STX12: variants seen among roughly 807,000 people sequenced by gnomAD.
The protein encoded by STX12 is syntaxin 12, also known as syntaxin-12.
Under a neutral mutation model 42.2 loss-of-function variants are expected in STX12, and 17 were observed. The ratio of observed to expected loss-of-function variants is 0.40; its 90% confidence interval spans 0.28 to 0.60. STX12 has a LOEUF of 0.60. Among genes scored for constraint, STX12 ranks in the 20% least tolerant of loss-of-function variants. The pLI, the probability that STX12 is intolerant of heterozygous loss-of-function variation, is 0.39. For synonymous variants in STX12, 108 were observed against 116.7 expected (o/e 0.93, Z 0.48); for missense variants, 297 against 330.9 (o/e 0.90, Z 0.79).
intron 2 of STX12, among the ~76,000 whole-genome samples, chr1:27,792,364 A>C (rs368867129): frequency 7.1e-4 from 102 of 144,238 alleles, no homozygotes; most frequent in South Asian, 1.5e-3. Flanking sequence ...ATATATGTAT[A>C]TATATATCAA....
intron 8 of STX12, among the ~76,000 whole-genome samples, chr1:27,820,790 A>G (rs868562772): frequency 7.2e-5 from 11 of 152,112 alleles, no homozygotes; most frequent in Non-Finnish European, 1.0e-4. Flanking sequence ...TCCAACAGTG[A>G]TAGACTGGAT....
chr1:27,777,818 C>T lies in STX12; in HGVS notation c.118+4393C>T, dbSNP rs536707268. On this transcript the variant is annotated intron_variant, in intron 1 of 8. Coordinates refer to ENST00000373943, the MANE Select transcript of STX12 (RefSeq NM_177424.3). ...AGGAGAATTGCTTGAATCCGGGAGGCGGAGGTTGCGGTGAGCCGAGATTGC... is the reference window on the plus strand; with the variant it reads ...AGGAGAATTGCTTGAATCCGGGAGGTGGAGGTTGCGGTGAGCCGAGATTGC... Among the ~76,000 whole-genome samples the T allele has an allele frequency of 9.2e-5, 14 of 151,916 alleles. 1 individual carries two copies. In the South Asian group the frequency reaches 1.9e-3, roughly 20 times the overall value.
chr1:27,792,259 TACATATATATGTATCTATATATATGTAG>T lies in STX12; in HGVS notation c.189-1272_189-1245del, dbSNP rs1557801075. On this transcript the variant is annotated intron_variant, in intron 2 of 8. Transcript: ENST00000373943. ...ATATATGTATCTATATATATGTAGA[TACATATATATGTATCTATATATATGTAG>T]ATACATATATATGTATCTATATATA... 2.9e-4 allele frequency among the ~76,000 whole-genome samples: 40 copies of T among 137,490 alleles called. 12 individuals carry two copies. The highest frequency in any genetic ancestry group is 1.0e-3 in the African/African-American group (38 of 37,624). The allele number at this position is 137,490 out of a possible 152,430, so 90.2% of individuals were successfully genotyped here. A position where few individuals can be genotyped will look rare whatever the true frequency, so the allele number is the denominator to read the frequency against.
chr1:27,779,982 G>C lies in STX12; in HGVS notation c.118+6557G>C, dbSNP rs562348933. ...AATTTTGTATTTTTAGTAGACACAG[G>C]GTTTCTCCATGTTGGTCAGGCTAGT... On this transcript the variant is annotated intron_variant, in intron 1 of 8. Transcript: ENST00000373943. Among the ~76,000 whole-genome samples, 452 of 151,248 alleles carry C rather than the reference G, an allele frequency of 3.0e-3. 4 individuals are homozygous for C. Among genetic ancestry groups the C allele is most frequent in the African/African-American group, 0.01 (424 of 41,224 alleles).
At chr1:27,822,197 C>G in intron 8 of STX12, 34 bp from the exon 9 acceptor site, 1 of 1,312,754 alleles carries the variant, frequency 7.6e-7, no homozygotes, top group Non-Finnish European at 1.1e-6. Context: ...TTACTTGTTT[C>G]ATGAGTATCT....
chr1:27,813,307 C>G (rs1020724164), intron 6 of STX12, among the ~76,000 whole-genome samples: 3 of 152,110 alleles, frequency 2.0e-5, no homozygotes, highest in African/African-American at 7.2e-5. Flanking sequence ...TCCTGAATAG[C>G]CGAGACTACC....
At chr1:27,781,569 T>C (rs972552395) in intron 1 of STX12, among the ~76,000 whole-genome samples, 8 of 152,226 alleles carry the variant, frequency 5.3e-5, no homozygotes, top group African/African-American at 1.7e-4. Flanking sequence ...ATAATTCATC[T>C]ACAGTCCCTG....
Position 27,789,729 on chromosome 1 carries a change from G to A in STX12, c.188+98G>A, listed in dbSNP as rs1203871112. ...CTTAGGTTTCAGGTCTGGGAAGTCA[G>A]AATGAGAGGCAGTGGGTCATGAGAT... On this transcript the variant is annotated intron_variant, in intron 2 of 8. Coordinates refer to ENST00000373943, the MANE Select transcript of STX12 (RefSeq NM_177424.3). The A allele has an allele frequency of 3.5e-6, 3 of 858,020 alleles. No homozygotes were observed. In the East Asian group the frequency reaches 8.1e-5, roughly 23 times the overall value. The allele number at this position is 858,020 out of a possible 1,614,324, so 53.2% of individuals were successfully genotyped here.
chr1:27,821,801 G>T (rs2088986313), intron 8 of STX12, among the ~76,000 whole-genome samples: 1 of 152,152 alleles, frequency 6.6e-6, no homozygotes, highest in African/African-American at 2.4e-5. Flanking sequence ...TAGATCACTT[G>T]AGGTCAGGAG....
chr1:27,821,131 A>G (rs2088980723), intron 8 of STX12, among the ~76,000 whole-genome samples: 2 of 151,678 alleles, frequency 1.3e-5, no homozygotes, highest in Non-Finnish European at 2.9e-5. Context: ...ACTAACCTGC[A>G]CATTGTGCAC....
intron 8 of STX12, chr1:27,820,012 C>G (rs981317383): frequency 1.6e-5 from 4 of 254,964 alleles, no homozygotes; most frequent in African/African-American, 4.5e-5. Context: ...GTTTTATATC[C>G]CGAACAGCTG....
Position 27,822,634 on chromosome 1 carries a change from A to C in STX12, c.*305A>C, listed in dbSNP as rs773585641. 7.7e-6 allele frequency: 2 copies of C among 260,894 alleles called. No individual in the cohort carries two copies. The highest frequency in any genetic ancestry group is 1.5e-5 in the Non-Finnish European group (2 of 134,056). The allele number at this position is 260,894 out of a possible 1,614,324, so 16.2% of individuals were successfully genotyped here. ...TTCCATTCTAGATATTCTTGTTTTGACAAATGACACTACAGTCTCGTAATA... is the reference window on the plus strand; with the variant it reads ...TTCCATTCTAGATATTCTTGTTTTGCCAAATGACACTACAGTCTCGTAATA... On this transcript the variant is annotated 3_prime_UTR_variant, in exon 9 of 9. Coordinates refer to ENST00000373943, the MANE Select transcript of STX12 (RefSeq NM_177424.3).
At chr1:27,812,893 A>G (rs1477028451) in intron 6 of STX12, among the ~76,000 whole-genome samples, 10 of 152,186 alleles carry the variant, frequency 6.6e-5, no homozygotes. Flanking sequence ...TTTATTGCTC[A>G]TTAGAACTTT....
chr1:27,809,754 G>A (rs1012317493), intron 4 of STX12, among the ~76,000 whole-genome samples: 4 of 151,896 alleles, frequency 2.6e-5, no homozygotes, highest in East Asian at 1.9e-4. Flanking sequence ...CACTGCGCCC[G>A]GCCAGATCTC....
intron 6 of STX12, among the ~76,000 whole-genome samples, chr1:27,813,811 A>AT (rs2088920509): frequency 6.6e-6 from 1 of 152,158 alleles, no homozygotes; most frequent in South Asian, 2.1e-4. Context: ...GGGCATGGGT[A>AT]TTTTTTTAAA....
intron 1 of STX12, among the ~76,000 whole-genome samples, chr1:27,784,753 A>G (rs558992850): frequency 1.3e-5 from 2 of 152,306 alleles, no homozygotes; most frequent in Admixed American, 6.5e-5. Flanking sequence ...TGTTGTCCTT[A>G]TGATTTGAGT....
rs528517766 is a variant in STX12, at chr1:27,791,257, G to A, written c.188+1626G>A. Reference sequence around the variant, plus strand: ...GCCTGGGTGACAAGAGCGAAACTCCGTCTCAAAATAAATAAATAAATAAAG... The same window carrying A: ...GCCTGGGTGACAAGAGCGAAACTCCATCTCAAAATAAATAAATAAATAAAG... On this transcript the variant is annotated intron_variant, in intron 2 of 8. Coordinates refer to ENST00000373943, the MANE Select transcript of STX12 (RefSeq NM_177424.3). Among the ~76,000 whole-genome samples, 11 of 152,170 alleles carry A rather than the reference G, an allele frequency of 7.2e-5. No homozygotes were observed. The East Asian group carries it at 7.8e-4, about 11-fold the overall frequency.
intron 2 of STX12, among the ~76,000 whole-genome samples, chr1:27,792,196 ATATACATATATAT>A (rs2088750017): frequency 7.5e-6 from 1 of 132,760 alleles, no homozygotes; most frequent in African/African-American, 2.8e-5. Flanking sequence ...CTATATATGT[ATATACATATATAT>A]GTATCTATAT....
In STX12 at chr1:27,822,481, C is replaced by T. The variant is rs551239443; in HGVS notation, c.*152C>T. 7.0e-6 allele frequency: 4 copies of T among 573,710 alleles called. No homozygotes were observed. The highest frequency in any genetic ancestry group is 2.8e-4 in the Middle Eastern group (1 of 3,588). 35.5% of individuals were successfully genotyped at this position (573,710 alleles called of 1,614,324 possible). Reference sequence around the variant, plus strand: ...TAACTACTAACTAGTCTTTGGAATTCGTGACCTATGGAGACAGTAATTATC... The same window carrying T: ...TAACTACTAACTAGTCTTTGGAATTTGTGACCTATGGAGACAGTAATTATC... On this transcript the variant is annotated 3_prime_UTR_variant, in exon 9 of 9. Transcript: ENST00000373943.
Sources: allele counts gnomAD v4.1 joint callset (sites outside exome capture counted in the v4.1 genomes callset), GRCh38; gene constraint gnomAD v4.1.1; transcripts MANE v1.5; gene names NCBI Gene and HGNC (gene_info 2026-07-23, HGNC 2026-07-21).